Variants in KCNN2 observed in about 807,000 individuals in gnomAD.
KCNN2 encodes the protein potassium calcium-activated channel subfamily N member 2.
Under a neutral mutation model 55.5 loss-of-function variants are expected in KCNN2, and 24 were observed. The ratio of observed to expected loss-of-function variants is 0.43; its 90% CI spans 0.31 to 0.61. The LOEUF is 0.61. Ranked by LOEUF, KCNN2 falls within the 20% of genes least tolerant of loss-of-function variation. KCNN2 has a pLI of 0.08. For missense variants in KCNN2, 754 were observed against 853.6 expected (o/e 0.88, Z 1.45); for synonymous variants, 431 against 336.1 (o/e 1.28, Z -3.09).
intron 5 of KCNN2, chr5:114,486,665 A>G: frequency 1.8e-6 from 2 of 1,091,750 alleles, no homozygotes; most frequent in Non-Finnish European, 2.4e-6. Context: ...GACAAGATTA[A>G]CCTTGGCCTC....
intron 2 of KCNN2, among the ~76,000 whole-genome samples, chr5:114,394,040 GA>G (rs1465040178): frequency 2.6e-5 from 4 of 152,070 alleles, no homozygotes; most frequent in African/African-American, 4.8e-5. Flanking sequence ...TAAGGAAATT[GA>G]ATTACATTAT....
intron 1 of KCNN2, among the ~76,000 whole-genome samples, chr5:114,196,756 A>G (rs2112568146): frequency 6.6e-6 from 1 of 151,924 alleles, no homozygotes; most frequent in South Asian, 2.1e-4. Context: ...TCATCAAAAT[A>G]TTTGTCCAGT....
At chr5:114,074,113 G>T (rs1750631692) in intron 1 of KCNN2, among the ~76,000 whole-genome samples, 1 of 152,072 alleles carries the variant, frequency 6.6e-6, no homozygotes, top group African/African-American at 2.4e-5. Context: ...TTTGTTTTCT[G>T]TGAGGATCTA....
intron 1 of KCNN2, among the ~76,000 whole-genome samples, chr5:114,099,323 G>A (rs1196655225): frequency 1.3e-5 from 2 of 152,048 alleles, no homozygotes; most frequent in African/African-American, 4.8e-5. Context: ...CCAATTGCTA[G>A]AACTGAAAAG....
At chr5:114,088,903 G>C (rs1357065414) in intron 1 of KCNN2, among the ~76,000 whole-genome samples, 3 of 152,222 alleles carry the variant, frequency 2.0e-5, no homozygotes, top group Non-Finnish European at 2.9e-5. Context: ...TTACAGGCGT[G>C]AGCCACTGCG....
At chr5:114,305,840 A>ATTTT (rs1756258989) in intron 2 of KCNN2, among the ~76,000 whole-genome samples, 1 of 152,216 alleles carries the variant, frequency 6.6e-6, no homozygotes, top group Non-Finnish European at 1.5e-5. Flanking sequence ...AGATTCTTAA[A>ATTTT]TGTTTCCAGT....
chr5:114,105,972 A>C (rs1000586106), intron 1 of KCNN2, among the ~76,000 whole-genome samples: 1 of 151,988 alleles, frequency 6.6e-6, no homozygotes, highest in African/African-American at 2.4e-5. Flanking sequence ...TTATAGTCAT[A>C]GTGTATTTAT....
At chr5:114,216,313 A>G (rs1457166473) in intron 1 of KCNN2, among the ~76,000 whole-genome samples, 6 of 152,196 alleles carry the variant, frequency 3.9e-5, no homozygotes. Context: ...TGACATTAAC[A>G]TATGGCTCTG....
rs1318934403 is a variant in KCNN2 at position 114,377,867 on chromosome 5, C to T, written c.1218+13866C>T. On this transcript the variant is annotated intron_variant, in intron 2 of 7. Transcript: ENST00000673685. ...GAAGAATCTAGCGTGATACCTGGCA[C>T]ATCATAAATGCTCAATAAGTCTTAA... Among the ~76,000 whole-genome samples, 3 of 152,284 alleles carry T rather than the reference C, an allele frequency of 2.0e-5. No homozygotes were observed. The South Asian group carries it at 6.2e-4, about 32-fold the overall frequency.
chr5:114,423,956 CTG>C (rs1451314112), intron 3 of KCNN2, among the ~76,000 whole-genome samples: 2 of 152,246 alleles, frequency 1.3e-5, no homozygotes, highest in South Asian at 4.2e-4. Context: ...AGAGAAGTAT[CTG>C]TGTCCAAGTG....
chr5:114,100,536 T>C (rs975868701), intron 1 of KCNN2, among the ~76,000 whole-genome samples: 7 of 152,124 alleles, frequency 4.6e-5, no homozygotes, highest in African/African-American at 1.7e-4. Context: ...AGAGGAAGTA[T>C]CCTCTTCTTG....
At chr5:114,202,585 A>ATTTTTTTT (rs34199170) in intron 1 of KCNN2, among the ~76,000 whole-genome samples, 4 of 92,144 alleles carry the variant, frequency 4.3e-5, no homozygotes, top group Admixed American at 1.6e-4. Flanking sequence ...ATATATATAT[A>ATTTTTTTT]TTTTTTTTTT....
chr5:114,388,043 C>T (rs2150061649), intron 2 of KCNN2, among the ~76,000 whole-genome samples: 1 of 152,276 alleles, frequency 6.6e-6, no homozygotes, highest in Admixed American at 6.5e-5. Flanking sequence ...AATCGTATTT[C>T]TAAACAATAT....
chr5:114,103,409 C>G (rs939448072), intron 1 of KCNN2, among the ~76,000 whole-genome samples: 2 of 152,110 alleles, frequency 1.3e-5, no homozygotes, highest in Non-Finnish European at 2.9e-5. Flanking sequence ...TATTTGAATA[C>G]TCTTTATTTC....
At chr5:114,432,856 C>T (rs995574847) in intron 3 of KCNN2, among the ~76,000 whole-genome samples, 1 of 152,188 alleles carries the variant, frequency 6.6e-6, no homozygotes, top group African/African-American at 2.4e-5. Flanking sequence ...ACTGGGTCCC[C>T]CAGCAGTGCC....
intron 1 of KCNN2, among the ~76,000 whole-genome samples, chr5:114,121,778 G>A (rs1046301009): frequency 1.3e-5 from 2 of 152,164 alleles, no homozygotes; most frequent in Non-Finnish European, 2.9e-5. Context: ...TGGTCTTAAG[G>A]TATGTTGGAT....
intron 3 of KCNN2, among the ~76,000 whole-genome samples, chr5:114,448,097 T>A (rs1760493632): frequency 6.6e-6 from 1 of 152,220 alleles, no homozygotes; most frequent in Admixed American, 6.5e-5. Context: ...TGTAGTGATT[T>A]TTCTCCAACC....
intron 2 of KCNN2, among the ~76,000 whole-genome samples, chr5:114,305,341 G>T (rs980322942): frequency 1.3e-5 from 2 of 152,174 alleles, no homozygotes; most frequent in African/African-American, 4.8e-5. Flanking sequence ...ATGCAGGCAG[G>T]CCAAGGCAGG....
chr5:114,449,564 C>T (rs1183018134), intron 3 of KCNN2, among the ~76,000 whole-genome samples: 2 of 152,178 alleles, frequency 1.3e-5, no homozygotes, highest in Non-Finnish European at 2.9e-5. Context: ...AAGCGAGGCT[C>T]AGACATTAGG....
Sources: allele counts gnomAD v4.1 joint callset (sites outside exome capture counted in the v4.1 genomes callset), GRCh38; gene constraint gnomAD v4.1.1; transcripts MANE v1.5; gene names NCBI Gene and HGNC (gene_info 2026-07-23, HGNC 2026-07-21).